The following NUP160 variants were observed in gnomAD, a reference collection of about 807,000 sequenced individuals.
NUP160 encodes nuclear pore complex protein Nup160.
NUP160 carries 94 observed loss-of-function variants against 196.9 expected under a neutral mutation model. The observed-to-expected ratio is 0.48, with a 90% CI of 0.40 to 0.57. NUP160 has a LOEUF of 0.57. Among genes scored for constraint, NUP160 ranks in the 20% least tolerant of loss-of-function variants. The pLI is 0.00. For synonymous variants in NUP160, 605 were observed against 619.7 expected (o/e 0.98, Z 0.35); for missense variants, 1,638 against 1,748.3 (o/e 0.94, Z 1.13).
intron 1 of NUP160, 127 bp from the exon 2 acceptor site, chr11:47,848,086 C>T: frequency 7.8e-7 from 1 of 1,286,168 alleles, no homozygotes; most frequent in South Asian, 1.2e-5. Flanking sequence ...CGTCGGACAT[C>T]AAGGAATCTC....
At chr11:47,824,534 C>T (rs577989820) in intron 7 of NUP160, among the ~76,000 whole-genome samples, 20 of 150,222 alleles carry the variant, frequency 1.3e-4, no homozygotes, top group African/African-American at 3.2e-4. Flanking sequence ...GGTGTGAACC[C>T]GGGAGGCGGA....
intron 33 of NUP160, among the ~76,000 whole-genome samples, chr11:47,783,480 T>G (rs2097662690): frequency 6.6e-6 from 1 of 152,234 alleles, no homozygotes; most frequent in African/African-American, 2.4e-5. Context: ...CTAAGACATA[T>G]TTTAACTTCT....
At position 47,821,508 on chromosome 11, in the gene NUP160, A is replaced by C. The variant is rs555275314; in HGVS notation, c.1277+216T>G. ...CTCCCGAGGAGCTGGGATTATAGGCACCTGCCACCAGGCCCAGCTAATTTT... is the reference window on the plus strand; with the variant it reads ...CTCCCGAGGAGCTGGGATTATAGGCCCCTGCCACCAGGCCCAGCTAATTTT... On this transcript the variant is annotated intron_variant, in intron 9 of 35. Transcript: ENST00000378460. 1,041 of 510,538 alleles carry C rather than the reference A, an allele frequency of 2.0e-3. 7 individuals carry two copies. The highest frequency in any genetic ancestry group is 0.019 in the Middle Eastern group (37 of 1,912). 31.6% of individuals were successfully genotyped at this position (510,538 alleles called of 1,614,324 possible).
chr11:47,797,005 T>G (rs1015658503), intron 27 of NUP160, among the ~76,000 whole-genome samples: 1 of 152,062 alleles, frequency 6.6e-6, no homozygotes. Flanking sequence ...AAATGTAAAT[T>G]TTAGTCCCCT....
intron 9 of NUP160, 40 bp from the exon 10 acceptor site, chr11:47,819,498 C>T: frequency 7.0e-7 from 1 of 1,437,504 alleles, no homozygotes; most frequent in Non-Finnish European, 9.8e-7. Flanking sequence ...CAGAAATGAT[C>T]ACTAAAAATG....
At chr11:47,798,288 T>C in intron 24 of NUP160, 26 bp from the exon 25 acceptor site, 1 of 1,562,294 alleles carries the variant, frequency 6.4e-7, no homozygotes, top group Non-Finnish European at 8.8e-7. Flanking sequence ...AGATCAAATA[T>C]CAAAAAGAGC....
In NUP160 at chr11:47,812,989, C is replaced by T. The variant is rs1565198282; in HGVS notation, c.1845G>A (p.Glu615=). 4 of 1,612,386 alleles carry T rather than the reference C, an allele frequency of 2.5e-6. No homozygotes were observed. The highest frequency in any genetic ancestry group is 3.4e-6 in the Non-Finnish European group (4 of 1,178,598). ...TAACTGACATATCCACAGTTACTGA[C>T]TCTTCAATCAGCCGGAGGCATTTTA... The change falls in exon 15 of 36, where the codon GAG becomes GAA. Residue 615 remains glutamate, a synonymous_variant. Transcript: ENST00000378460.
chr11:47,826,182 C>T (rs1851963707), intron 7 of NUP160, among the ~76,000 whole-genome samples: 1 of 152,094 alleles, frequency 6.6e-6, no homozygotes, highest in African/African-American at 2.4e-5. Flanking sequence ...ACCCAACAGT[C>T]CAAGCTGGTC....
intron 27 of NUP160, among the ~76,000 whole-genome samples, chr11:47,796,826 G>A (rs1183023983): frequency 2.0e-5 from 3 of 152,142 alleles, no homozygotes; most frequent in Non-Finnish European, 4.4e-5. Context: ...AAGAGTAGCT[G>A]AGATTACAGG....
chr11:47,802,050 C>G, intron 22 of NUP160, 120 bp from the exon 23 acceptor site: 1 of 833,102 alleles, frequency 1.2e-6, no homozygotes, highest in Admixed American at 2.6e-5. Flanking sequence ...ACATGGTCTA[C>G]TCTATGTATA....
intron 7 of NUP160, among the ~76,000 whole-genome samples, chr11:47,830,889 C>A (rs991663497): frequency 6.6e-6 from 1 of 151,846 alleles, no homozygotes; most frequent in Admixed American, 6.6e-5. Context: ...AGCAGCCGAG[C>A]GTGGTGGCTC....
intron 7 of NUP160, among the ~76,000 whole-genome samples, chr11:47,831,832 G>A (rs1852079654): frequency 1.2e-5 from 1 of 80,054 alleles, no homozygotes; most frequent in South Asian, 6.6e-4. Flanking sequence ...GACAAAGCGA[G>A]ACTCTCTCTC....
exon 23 of NUP160, chr11:47,801,924 C>T (rs760112939): frequency 6.2e-7 from 1 of 1,613,692 alleles, no homozygotes; most frequent in Non-Finnish European, 8.5e-7. Flanking sequence ...CAAAAACATT[C>T]CAGAGCCTGG....
chr11:47,820,005 G>A (rs140654420), intron 9 of NUP160, among the ~76,000 whole-genome samples: 371 of 152,294 alleles, frequency 2.4e-3, no homozygotes, highest in Middle Eastern at 0.014. Context: ...TACAAGGAGT[G>A]CTTTTTTTAT....
chr11:47,826,775 C>A (rs1851976713), intron 7 of NUP160, among the ~76,000 whole-genome samples: 1 of 152,132 alleles, frequency 6.6e-6, no homozygotes, highest in Admixed American at 6.6e-5. Context: ...GTTGGCCAGG[C>A]TGGTCTCGAA....
chr11:47,842,518 G>A (rs1852326086), intron 2 of NUP160, among the ~76,000 whole-genome samples: 1 of 152,140 alleles, frequency 6.6e-6, no homozygotes. Flanking sequence ...AAAACATACA[G>A]ATGTCCTTGT....
chr11:47,848,393 C>T, exon 1 of NUP160: 3 of 1,599,914 alleles, frequency 1.9e-6, no homozygotes, highest in Non-Finnish European at 2.6e-6. Flanking sequence ...GGGGGTGGGG[C>T]GGGCGGAGCT....
intron 7 of NUP160, among the ~76,000 whole-genome samples, chr11:47,827,880 C>G (rs4752871): frequency 0.2 from 29,801 of 151,964 alleles, 3,302 homozygotes; most frequent in East Asian, 0.31. Flanking sequence ...ATAAAACTAA[C>G]TTTTTTATGA....
At chr11:47,824,029 A>ATGTATATATATG (rs1565203422) in intron 7 of NUP160, among the ~76,000 whole-genome samples, 3 of 119,776 alleles carry the variant, frequency 2.5e-5, no homozygotes, top group African/African-American at 9.0e-5. Flanking sequence ...ATATATATAT[A>ATGTATATATATG]TATATATATA....
Sources: allele counts gnomAD v4.1 joint callset (sites outside exome capture counted in the v4.1 genomes callset), GRCh38; gene constraint gnomAD v4.1.1; transcripts MANE v1.5; gene names NCBI Gene and HGNC (gene_info 2026-07-23, HGNC 2026-07-21).